TRPS1: variants seen among roughly 807,000 people sequenced by gnomAD.
TRPS1 encodes the protein zinc finger transcription factor Trps1.
A neutral mutation model predicts 101.2 loss-of-function variants in TRPS1; 6 were observed. That is an observed-to-expected ratio of 0.06 (90% CI 0.03 to 0.12). The LOEUF (loss-of-function observed/expected upper bound fraction) is 0.12, where lower values mean the gene tolerates loss of function less well. TRPS1 is among the 10% of genes least tolerant of loss of function. The pLI is 1.00. For synonymous variants in TRPS1, 578 were observed against 589.8 expected (o/e 0.98, Z 0.29); for missense variants, 1,363 against 1,567.0 (o/e 0.87, Z 2.20).
intron 5 of TRPS1, among the ~76,000 whole-genome samples, chr8:115,466,781 T>TA (rs1814329789): frequency 1.3e-5 from 2 of 152,160 alleles, no homozygotes; most frequent in South Asian, 4.1e-4. Context: ...TTGCAAATTC[T>TA]AAAAATAAAG....
chr8:115,577,392 T>C (rs1006294060), intron 5 of TRPS1, among the ~76,000 whole-genome samples: 26 of 152,108 alleles, frequency 1.7e-4, no homozygotes, highest in African/African-American at 6.3e-4. Flanking sequence ...TTTTAGCATA[T>C]AGGTAGCACA....
At chr8:115,593,136 G>GA (rs1375638096) in intron 4 of TRPS1, among the ~76,000 whole-genome samples, 3 of 152,070 alleles carry the variant, frequency 2.0e-5, no homozygotes, top group Non-Finnish European at 4.4e-5. Flanking sequence ...AATTTTTTAT[G>GA]AATGGCAACA....
Position 115,491,372 on chromosome 8 carries a change from G to A in TRPS1, c.2701-72920C>T, listed in dbSNP as rs372472804. 1.6e-3 allele frequency among the ~76,000 whole-genome samples: 244 copies of A among 152,202 alleles called. 8 individuals carry two copies. The South Asian group carries it at 0.046, about 29-fold the overall frequency. ...GTGGCAATATGTACAGGGTGTTAGC[G>A]CATTAGATCATTACCCATTCCATCC... On this transcript the variant is annotated intron_variant, in intron 5 of 6. Transcript: ENST00000395715.
chr8:115,474,171 C>T (rs1814542093), intron 5 of TRPS1, among the ~76,000 whole-genome samples: 1 of 152,106 alleles, frequency 6.6e-6, no homozygotes, highest in Non-Finnish European at 1.5e-5. Context: ...TCATTTATTT[C>T]CCTGCTAGCA....
Position 115,418,581 on chromosome 8 carries a change from A to G in TRPS1, c.2701-129T>C. 7.9e-7 allele frequency: 1 copy of G among 1,273,416 alleles called. No individual in the cohort carries two copies. The highest frequency in any genetic ancestry group is 1.2e-5 in the South Asian group (1 of 81,588). The allele number at this position is 1,273,416 out of a possible 1,614,324, so 78.9% of individuals were successfully genotyped here. A position where few individuals can be genotyped will look rare whatever the true frequency, so the allele number is the denominator to read the frequency against. ...GTATAAAACCACACTGCCCATAATG[A>G]GGTCAGGTTCAATTGTGTTTAATAG... On this transcript the variant is annotated intron_variant, in intron 5 of 6. Coordinates refer to ENST00000395715, the MANE Select transcript of TRPS1 (RefSeq NM_014112.5). This position sits in a 1 kb window ranked among gnomAD's most constrained non-coding sequence, Gnocchi z 4.3.
At chr8:115,445,915 A>G (rs1414981632) in intron 5 of TRPS1, among the ~76,000 whole-genome samples, 2 of 152,228 alleles carry the variant, frequency 1.3e-5, no homozygotes, top group African/African-American at 2.4e-5. Context: ...ACACATTTAT[A>G]GAAGTATACT....
At chr8:115,521,931 A>G (rs1815873957) in intron 5 of TRPS1, among the ~76,000 whole-genome samples, 1 of 151,966 alleles carries the variant, frequency 6.6e-6, no homozygotes, top group Admixed American at 6.6e-5. Context: ...TAATGTCCTC[A>G]TGAAGAGACG....
chr8:115,632,183 C>T (rs1177708237), intron 1 of TRPS1, among the ~76,000 whole-genome samples: 2 of 151,964 alleles, frequency 1.3e-5, no homozygotes, highest in Non-Finnish European at 2.9e-5. Flanking sequence ...ACATGAACAT[C>T]ATATGGTATG....
intron 5 of TRPS1, among the ~76,000 whole-genome samples, chr8:115,433,076 G>T (rs1813361868): frequency 1.3e-5 from 2 of 151,960 alleles, no homozygotes; most frequent in East Asian, 3.9e-4. Flanking sequence ...GTTAAGAAGT[G>T]ATATAGAAAG....
intron 1 of TRPS1, among the ~76,000 whole-genome samples, chr8:115,654,766 C>T (rs1430526608): frequency 6.6e-6 from 1 of 152,088 alleles, no homozygotes; most frequent in African/African-American, 2.4e-5. Flanking sequence ...AAGCATTAAG[C>T]CTAGATTTTT....
intron 5 of TRPS1, among the ~76,000 whole-genome samples, chr8:115,427,679 C>T (rs527642961): frequency 1.3e-3 from 194 of 152,082 alleles, no homozygotes; most frequent in Non-Finnish European, 1.5e-3. Context: ...CCTTAAAGAA[C>T]GCTTATCTCT....
At chr8:115,493,101 T>G (rs62513000) in intron 5 of TRPS1, among the ~76,000 whole-genome samples, 8,403 of 152,218 alleles carry the variant, frequency 0.055, 372 homozygotes, top group Non-Finnish European at 0.085. Flanking sequence ...TGAAGCGCAT[T>G]AGGCCTGGCT....
chr8:115,639,918 T>C (rs1563663200), intron 1 of TRPS1, among the ~76,000 whole-genome samples: 1 of 152,206 alleles, frequency 6.6e-6, no homozygotes, highest in Non-Finnish European at 1.5e-5. Flanking sequence ...ACCCTTGATA[T>C]AAGACTAATG....
chr8:115,505,448 G>A (rs1316198350), intron 5 of TRPS1, among the ~76,000 whole-genome samples: 2 of 151,994 alleles, frequency 1.3e-5, no homozygotes, highest in African/African-American at 4.8e-5. Flanking sequence ...ATTTTTTCAT[G>A]TTTGAGACAA....
At chr8:115,564,014 G>T (rs977975067) in intron 5 of TRPS1, among the ~76,000 whole-genome samples, 1 of 152,032 alleles carries the variant, frequency 6.6e-6, no homozygotes, top group Non-Finnish European at 1.5e-5. Flanking sequence ...AGAATCAGAG[G>T]TATCCTAAAC....
At chr8:115,483,184 A>T (rs1367911048) in intron 5 of TRPS1, among the ~76,000 whole-genome samples, 1 of 152,150 alleles carries the variant, frequency 6.6e-6, no homozygotes, top group African/African-American at 2.4e-5. Context: ...AACTATACTT[A>T]TTGGTGATTA....
intron 5 of TRPS1, among the ~76,000 whole-genome samples, chr8:115,520,314 C>T (rs13269619): frequency 0.26 from 39,870 of 151,418 alleles, 6,173 homozygotes; most frequent in Middle Eastern, 0.46. Context: ...AATTAAAGTA[C>T]AGAAAAAAGA....
At chr8:115,441,910 T>A (rs1227955193) in intron 5 of TRPS1, among the ~76,000 whole-genome samples, 13 of 151,670 alleles carry the variant, frequency 8.6e-5, no homozygotes, top group Admixed American at 5.3e-4. Flanking sequence ...TGTGTGTGTG[T>A]GTGTGTGTGT....
At chr8:115,537,643 C>T (rs1176799622) in intron 5 of TRPS1, among the ~76,000 whole-genome samples, 1 of 152,068 alleles carries the variant, frequency 6.6e-6, no homozygotes, top group African/African-American at 2.4e-5. Context: ...TCCTGAGACT[C>T]CAAAATAAAT....
Sources: gnomAD v4.1 joint callset for allele counts (sites outside exome capture counted in the v4.1 genomes callset) on GRCh38, gnomAD v4.1.1 for gene constraint, Gnocchi (gnomAD v3.1) non-coding constraint, MANE v1.5 for transcripts, NCBI Gene and HGNC (gene_info 2026-07-23, HGNC 2026-07-21) for gene names.